Variants in SDK1 observed in about 807,000 individuals in gnomAD.
The protein encoded by SDK1 is protein sidekick-1.
SDK1 carries 157 observed loss-of-function variants against 245.5 expected under a neutral mutation model. The ratio of observed to expected loss-of-function variants is 0.64; its 90% CI spans 0.56 to 0.73. SDK1 has a LOEUF of 0.73. Ranked by LOEUF, SDK1 falls within the 30% of genes least tolerant of loss-of-function variation. SDK1 has a pLI of 0.00. For synonymous variants in SDK1, 1,647 were observed against 1,278.5 expected (o/e 1.29, Z -6.15); for missense variants, 3,583 against 3,002.3 (o/e 1.19, Z -4.52).
chr7:3,455,118 T>C (rs921026887), intron 1 of SDK1, among the ~76,000 whole-genome samples: 1 of 152,294 alleles, frequency 6.6e-6, no homozygotes, highest in Non-Finnish European at 1.5e-5. Flanking sequence ...GTGTCATTTG[T>C]CCATTTTGTA....
At chr7:3,730,088 G>C (rs1219999980) in intron 4 of SDK1, among the ~76,000 whole-genome samples, 2 of 152,066 alleles carry the variant, frequency 1.3e-5, no homozygotes, top group African/African-American at 2.4e-5. Context: ...GCCCCTAGCA[G>C]GAAATATTTG....
intron 4 of SDK1, among the ~76,000 whole-genome samples, chr7:3,693,271 T>C (rs565011237): frequency 6.6e-6 from 1 of 152,338 alleles, no homozygotes; most frequent in African/African-American, 2.4e-5. Flanking sequence ...CTTTTACTAA[T>C]TTCCCTTTTT....
chr7:3,682,427 A>T (rs1263180783), intron 4 of SDK1, among the ~76,000 whole-genome samples: 2 of 34,874 alleles, frequency 5.7e-5, no homozygotes, highest in Middle Eastern at 0.014. Context: ...AGCTGTCACA[A>T]ATCATGCACT....
chr7:4,233,445 T>G (rs936614802), intron 41 of SDK1, 26 bp downstream of exon 41: 1 of 1,603,838 alleles, frequency 6.2e-7, no homozygotes, highest in African/African-American at 1.3e-5. Flanking sequence ...GAGGTCTGTC[T>G]TCTTCTGGAG....
chr7:3,587,518 GAGA>G (rs1477709434), intron 1 of SDK1, among the ~76,000 whole-genome samples: 1 of 152,140 alleles, frequency 6.6e-6, no homozygotes, highest in Non-Finnish European at 1.5e-5. Flanking sequence ...CCAAGTACAG[GAGA>G]AGATTGATGT....
chr7:3,981,497 C>T (rs925413140), intron 13 of SDK1, among the ~76,000 whole-genome samples: 5 of 152,058 alleles, frequency 3.3e-5, no homozygotes, highest in African/African-American at 9.7e-5. Context: ...GAAGGCATAT[C>T]GAAAGCCAAG....
At chr7:3,954,167 G>A (rs181787725) in intron 7 of SDK1, among the ~76,000 whole-genome samples, 139 of 151,720 alleles carry the variant, frequency 9.2e-4, no homozygotes, top group African/African-American at 3.0e-3. Context: ...TGAGAGCACA[G>A]AGGTCGGCTT....
intron 4 of SDK1, among the ~76,000 whole-genome samples, chr7:3,754,373 A>G (rs1400916594): frequency 6.6e-6 from 1 of 152,220 alleles, no homozygotes; most frequent in Non-Finnish European, 1.5e-5. Context: ...ATTTCCCCTG[A>G]AATTCAGGTA....
Position 3,529,082 on chromosome 7 carries a change from A to G in SDK1, c.299-89998A>G, listed in dbSNP as rs536573700. Reference sequence around the variant, plus strand: ...AAAGGGAACTAGGTTTATCATCAACAGATAAGGGATTTATAAATGTGGAAA... The same window carrying G: ...AAAGGGAACTAGGTTTATCATCAACGGATAAGGGATTTATAAATGTGGAAA... On this transcript the variant is annotated intron_variant, in intron 1 of 44. Transcript: ENST00000404826. Among the ~76,000 whole-genome samples, 19 of 152,326 alleles carry G rather than the reference A, an allele frequency of 1.2e-4. No individual in the cohort carries two copies. The East Asian group carries it at 2.5e-3, about 20-fold the overall frequency.
chr7:4,267,708 C>T lies in SDK1; in HGVS notation c.*2324C>T. 1.0e-6 allele frequency: 1 copy of T among 985,464 alleles called. No homozygotes were observed. Among genetic ancestry groups the T allele is most frequent in the Non-Finnish European group, 1.2e-6 (1 of 829,956 alleles). 61.0% of individuals were successfully genotyped at this position (985,464 alleles called of 1,614,324 possible). A position where few individuals can be genotyped will look rare whatever the true frequency, so the allele number is the denominator to read the frequency against. On this transcript the variant is annotated 3_prime_UTR_variant, in exon 45 of 45. Transcript: ENST00000404826. ...GCAGATTCGAGATATGTTTGTTGCT[C>T]TCGGGTTTTCGATACAACATCATGA...
intron 1 of SDK1, among the ~76,000 whole-genome samples, chr7:3,584,345 A>G (rs186099119): frequency 6.6e-6 from 1 of 152,160 alleles, no homozygotes; most frequent in Non-Finnish European, 1.5e-5. Flanking sequence ...TTCCCTGTCT[A>G]GTTTCACGTG....
rs114789684 is a variant in SDK1 at position 3,552,339 on chromosome 7, C to T, written c.299-66741C>T. On this transcript the variant is annotated intron_variant, in intron 1 of 44. Transcript: ENST00000404826. ...TACAGGTGTGAGCCACCGCGCCCAG[C>T]TGATTTTACTCTTTTGAACCCTGTG... Among the ~76,000 whole-genome samples, 395 of 152,294 alleles carry T rather than the reference C, an allele frequency of 2.6e-3. 2 individuals carry two copies. The highest frequency in any genetic ancestry group is 9.0e-3 in the African/African-American group (376 of 41,560).
chr7:3,632,693 T>G (rs1782335187), intron 2 of SDK1, among the ~76,000 whole-genome samples: 1 of 152,238 alleles, frequency 6.6e-6, no homozygotes. Flanking sequence ...CTGTTTAATT[T>G]AACTTCATAT....
intron 44 of SDK1, among the ~76,000 whole-genome samples, chr7:4,256,924 G>A (rs549523488): frequency 6.6e-5 from 10 of 152,302 alleles, no homozygotes; most frequent in South Asian, 4.1e-4. Flanking sequence ...CTGCAGATCC[G>A]TTCCCAGGTG....
At chr7:3,995,900 T>C (rs1784665931) in intron 14 of SDK1, among the ~76,000 whole-genome samples, 1 of 152,144 alleles carries the variant, frequency 6.6e-6, no homozygotes, top group South Asian at 2.1e-4. Flanking sequence ...CTTTCTGACA[T>C]ACAGAAGTGT....
chr7:3,548,218 G>A (rs984381327), intron 1 of SDK1, among the ~76,000 whole-genome samples: 4 of 152,180 alleles, frequency 2.6e-5, no homozygotes, highest in African/African-American at 9.7e-5. Context: ...GCAAAACTCA[G>A]TTCATGGAAG....
At chr7:3,948,503 C>G (rs1780668062) in intron 5 of SDK1, among the ~76,000 whole-genome samples, 1 of 152,148 alleles carries the variant, frequency 6.6e-6, no homozygotes, top group Non-Finnish European at 1.5e-5. Flanking sequence ...ACCTCGTGAT[C>G]CACCCGTCTC....
At chr7:3,590,740 T>C (rs889073036) in intron 1 of SDK1, among the ~76,000 whole-genome samples, 1 of 151,946 alleles carries the variant, frequency 6.6e-6, no homozygotes, top group Non-Finnish European at 1.5e-5. Flanking sequence ...GCTGGACCTT[T>C]AGATTTAATG....
intron 4 of SDK1, among the ~76,000 whole-genome samples, chr7:3,757,417 A>G (rs1779964526): frequency 6.6e-6 from 1 of 151,962 alleles, no homozygotes; most frequent in South Asian, 2.1e-4. Flanking sequence ...AATTATTTTT[A>G]ATAGAGATGG....
Sources: allele counts gnomAD v4.1 joint callset (sites outside exome capture counted in the v4.1 genomes callset), GRCh38; gene constraint gnomAD v4.1.1; transcripts MANE v1.5; gene names NCBI Gene and HGNC (gene_info 2026-07-23, HGNC 2026-07-21).